Variants in GULP1 observed in about 807,000 individuals in gnomAD.
GULP1 encodes GULP PTB domain containing engulfment adaptor 1.
A neutral mutation model predicts 40.9 loss-of-function variants in GULP1; 19 were observed. The ratio of observed to expected loss-of-function variants is 0.46; its 90% CI spans 0.32 to 0.68. The LOEUF (loss-of-function observed/expected upper bound fraction) is 0.68, where lower values mean the gene tolerates loss of function less well. Among genes scored for constraint, GULP1 ranks in the 30% least tolerant of loss-of-function variants. GULP1 has a pLI of 0.03. For missense variants in GULP1, 312 were observed against 362.2 expected (o/e 0.86, Z 1.12); for synonymous variants, 119 against 117.6 (o/e 1.01, Z -0.08).
chr2:188,539,165 G>C lies in GULP1; in HGVS notation c.262-2016G>C, dbSNP rs142499820. The stretch of plus-strand genomic sequence containing the variant: ...GAAATGAGAGTAAATGAGAGACTAT[G>C]TAGATTTCAGCACCAGCTAAGTGAA... On this transcript the variant is annotated intron_variant, in intron 6 of 11. Coordinates refer to ENST00000409830, the MANE Select transcript of GULP1 (RefSeq NM_016315.4). Among the ~76,000 whole-genome samples, 6 of 152,036 alleles carry C rather than the reference G, an allele frequency of 3.9e-5. No homozygotes were observed. The East Asian group carries it at 1.2e-3, about 29-fold the overall frequency.
At chr2:188,538,987 G>A (rs1689715090) in intron 6 of GULP1, among the ~76,000 whole-genome samples, 1 of 151,922 alleles carries the variant, frequency 6.6e-6, no homozygotes, top group South Asian at 2.1e-4. Context: ...ATACAGAATA[G>A]AATCTTTATT....
intron 2 of GULP1, among the ~76,000 whole-genome samples, chr2:188,426,985 A>T (rs960058835): frequency 1.3e-5 from 2 of 152,180 alleles, no homozygotes; most frequent in African/African-American, 2.4e-5. Context: ...TGAAGAATTT[A>T]TTGGGAACTG....
intron 1 of GULP1, among the ~76,000 whole-genome samples, chr2:188,371,941 T>C (rs1351821801): frequency 6.6e-6 from 1 of 152,116 alleles, no homozygotes; most frequent in African/African-American, 2.4e-5. Flanking sequence ...TATATACTAC[T>C]GAACGAGCTT....
Position 188,372,990 on chromosome 2 carries a change from C to T in GULP1, c.-171-10773C>T, listed in dbSNP as rs561416377. 2.6e-5 allele frequency among the ~76,000 whole-genome samples: 4 copies of T among 151,990 alleles called. No homozygotes were observed. The South Asian group carries it at 8.3e-4, about 32-fold the overall frequency. The stretch of plus-strand genomic sequence containing the variant: ...AGGCTGAAGAGAAAGATGTCCTTAG[C>T]TTGGGTAAATAGAAAATAATCCTTG... On this transcript the variant is annotated intron_variant, in intron 1 of 11. Coordinates refer to ENST00000409830, the MANE Select transcript of GULP1 (RefSeq NM_016315.4).
At chr2:188,321,271 T>C (rs1482049772) in intron 1 of GULP1, among the ~76,000 whole-genome samples, 1 of 152,186 alleles carries the variant, frequency 6.6e-6, no homozygotes, top group Admixed American at 6.5e-5. Flanking sequence ...TCTTTATATC[T>C]GTAATTTCTG....
intron 5 of GULP1, among the ~76,000 whole-genome samples, chr2:188,523,606 T>C (rs1003896821): frequency 2.0e-5 from 3 of 152,144 alleles, no homozygotes; most frequent in Non-Finnish European, 2.9e-5. Flanking sequence ...TGCTCTCGTA[T>C]TTTTGGAGAA....
At chr2:188,415,700 G>T (rs992387329) in intron 2 of GULP1, among the ~76,000 whole-genome samples, 2 of 152,118 alleles carry the variant, frequency 1.3e-5, no homozygotes, top group Non-Finnish European at 2.9e-5. Flanking sequence ...CTGATTGTAA[G>T]TCCATCTTTT....
intron 6 of GULP1, among the ~76,000 whole-genome samples, chr2:188,540,650 A>G (rs1373253992): frequency 2.0e-5 from 3 of 152,096 alleles, no homozygotes; most frequent in Non-Finnish European, 4.4e-5. Flanking sequence ...TTACCATGAA[A>G]TTATATAAAA....
At chr2:188,546,322 A>G (rs1691956545) in intron 7 of GULP1, among the ~76,000 whole-genome samples, 3 of 152,040 alleles carry the variant, frequency 2.0e-5, no homozygotes, top group Non-Finnish European at 4.4e-5. Flanking sequence ...CACATCCTGG[A>G]CCATAAAATA....
intron 2 of GULP1, among the ~76,000 whole-genome samples, chr2:188,448,101 C>G (rs926055925): frequency 1.3e-5 from 2 of 152,128 alleles, no homozygotes; most frequent in Non-Finnish European, 2.9e-5. Context: ...AGTTTGGATT[C>G]TGAAATAGTG....
intron 2 of GULP1, among the ~76,000 whole-genome samples, chr2:188,428,990 C>T (rs1386015537): frequency 6.6e-6 from 1 of 152,046 alleles, no homozygotes; most frequent in Admixed American, 6.5e-5. Flanking sequence ...AGGATACTCA[C>T]AGGCAGCTAA....
chr2:188,303,844 A>G (rs1000209118), intron 1 of GULP1, among the ~76,000 whole-genome samples: 1 of 152,180 alleles, frequency 6.6e-6, no homozygotes, highest in Non-Finnish European at 1.5e-5. Flanking sequence ...ACCTTCATTC[A>G]TGGCAACTAA....
In GULP1 at chr2:188,409,825, T is replaced by A. The variant is rs137866670; in HGVS notation, c.-45+25936T>A. Among the ~76,000 whole-genome samples the A allele has an allele frequency of 3.4e-3, 511 of 152,318 alleles. 4 individuals carry two copies. Among genetic ancestry groups the A allele is most frequent in the African/African-American group, 0.012 (485 of 41,580 alleles). On this transcript the variant is annotated intron_variant, in intron 2 of 11. Coordinates refer to ENST00000409830, the MANE Select transcript of GULP1 (RefSeq NM_016315.4). ...TTCAACATATACGCATGTAATAATG[T>A]AATATAATACAACATAGTAACAGAA...
chr2:188,327,243 A>G (rs1277361531), intron 1 of GULP1, among the ~76,000 whole-genome samples: 1 of 152,200 alleles, frequency 6.6e-6, no homozygotes, highest in African/African-American at 2.4e-5. Context: ...AGGGAATAAG[A>G]TAAGGAGATG....
At chr2:188,528,613 A>C (rs1325298154) in intron 5 of GULP1, among the ~76,000 whole-genome samples, 1 of 152,076 alleles carries the variant, frequency 6.6e-6, no homozygotes, top group Non-Finnish European at 1.5e-5. Flanking sequence ...TCTTAGCTTC[A>C]GTTTGGAAAT....
chr2:188,318,269 A>G (rs1211733934), intron 1 of GULP1, among the ~76,000 whole-genome samples: 2 of 146,682 alleles, frequency 1.4e-5, no homozygotes, highest in Non-Finnish European at 3.0e-5. Context: ...TAAGTCTCAT[A>G]AAAGTTGTAA....
At chr2:188,499,970 T>A (rs965068701) in intron 4 of GULP1, among the ~76,000 whole-genome samples, 1 of 151,802 alleles carries the variant, frequency 6.6e-6, no homozygotes, top group Non-Finnish European at 1.5e-5. Flanking sequence ...TTTAAAAAAA[T>A]ATATATTTAG....
At chr2:188,365,304 C>G (rs961315497) in intron 1 of GULP1, among the ~76,000 whole-genome samples, 2 of 152,082 alleles carry the variant, frequency 1.3e-5, no homozygotes, top group African/African-American at 4.8e-5. Context: ...GAAGGTTAAT[C>G]TTGTAAGGGA....
chr2:188,344,164 A>G (rs1282931345), intron 1 of GULP1, among the ~76,000 whole-genome samples: 1 of 152,168 alleles, frequency 6.6e-6, no homozygotes, highest in African/African-American at 2.4e-5. Context: ...GGGAGTAAAT[A>G]CCTGACTAAA....
Sources: allele counts gnomAD v4.1 joint callset (sites outside exome capture counted in the v4.1 genomes callset), GRCh38; gene constraint gnomAD v4.1.1; transcripts MANE v1.5; gene names NCBI Gene and HGNC (gene_info 2026-07-23, HGNC 2026-07-21).